NEK11: variants seen among roughly 807,000 people sequenced by gnomAD.
NEK11 encodes NIMA related kinase 11, also known as serine/threonine-protein kinase Nek11.
Under a neutral mutation model 80.7 loss-of-function variants are expected in NEK11, and 72 were observed. The observed-to-expected ratio is 0.89, with a 90% CI of 0.74 to 1.08. The LOEUF is 1.08. Among genes scored for constraint, NEK11 ranks in the 50% least tolerant of loss-of-function variants. NEK11 has a pLI of 0.00. For synonymous variants in NEK11, 251 were observed against 260.7 expected, an observed-to-expected ratio of 0.96 and a Z score of 0.36; for missense variants, 764 against 763.6, an observed-to-expected ratio of 1.00 and a Z score of -0.01.
intron 14 of NEK11, among the ~76,000 whole-genome samples, chr3:131,205,061 C>T (rs1324737799): frequency 2.6e-5 from 4 of 151,980 alleles, no homozygotes; most frequent in East Asian, 3.9e-4. Flanking sequence ...AGTGGACTGG[C>T]GATAGGGATG....
In NEK11 at chr3:131,096,801, T is replaced by C. The variant is rs537092591; in HGVS notation, c.337-13002T>C. On this transcript the variant is annotated intron_variant, in intron 4 of 17. Coordinates refer to ENST00000383366, the MANE Select transcript of NEK11 (RefSeq NM_024800.5). ...GCACAATGTGCAGGTTAGTTACATA[T>C]GTATACATGTACCATGCTGGTATGC... is the stretch of plus-strand genomic sequence containing the variant. Among the ~76,000 whole-genome samples, 3 of 152,062 alleles carry C rather than the reference T, an allele frequency of 2.0e-5. No homozygotes were observed. In the East Asian group the frequency reaches 5.8e-4, roughly 29 times the overall value.
rs1164661416 is a variant in NEK11 at position 131,168,954 on chromosome 3, T to G, written c.1284+17T>G. 1.3e-6 allele frequency: 2 copies of G among 1,591,402 alleles called. No individual in the cohort carries two copies. The highest frequency in any genetic ancestry group is 2.7e-5 in the African/African-American group (2 of 74,254). On this transcript the variant is annotated intron_variant, in intron 13 of 17. Coordinates refer to ENST00000383366, the MANE Select transcript of NEK11 (RefSeq NM_024800.5). ...AGGGAAGAGGCAAGTTTAATCATAT[T>G]CACAAGCACAAAAGTGAGGCAGGTT...
At chr3:131,206,341 A>G (rs1302355572) in intron 14 of NEK11, among the ~76,000 whole-genome samples, 1 of 152,264 alleles carries the variant, frequency 6.6e-6, no homozygotes, top group Admixed American at 6.5e-5. Flanking sequence ...AAGATATAGT[A>G]GTTGCAAGTT....
intron 4 of NEK11, among the ~76,000 whole-genome samples, chr3:131,088,997 T>A (rs1003237500): frequency 6.6e-6 from 1 of 152,230 alleles, no homozygotes. Flanking sequence ...TCCTAAGTAA[T>A]GAAACAGAGT....
intron 14 of NEK11, among the ~76,000 whole-genome samples, chr3:131,171,548 A>T (rs960583221): frequency 1.3e-5 from 2 of 152,226 alleles, no homozygotes; most frequent in African/African-American, 2.4e-5. Context: ...GGAGTAAAAA[A>T]GTTGGCCCTA....
intron 17 of NEK11, among the ~76,000 whole-genome samples, chr3:131,339,176 T>G (rs2097248269): frequency 6.6e-6 from 1 of 152,208 alleles, no homozygotes; most frequent in African/African-American, 2.4e-5. Context: ...ACTCAGATAT[T>G]ATTTTTAAAA....
At chr3:131,348,848 C>A (rs572679665) in intron 17 of NEK11, among the ~76,000 whole-genome samples, 1 of 151,988 alleles carries the variant, frequency 6.6e-6, no homozygotes, top group African/African-American at 2.4e-5. Context: ...TTGCCTCCTT[C>A]GTACAGCTGT....
chr3:131,097,653 AAG>A (rs1214306597), intron 4 of NEK11, among the ~76,000 whole-genome samples: 1 of 152,120 alleles, frequency 6.6e-6, no homozygotes, highest in African/African-American at 2.4e-5. Flanking sequence ...AATGAAATAA[AAG>A]AGGACACAAA....
chr3:131,042,041 C>T (rs948617333), intron 3 of NEK11, among the ~76,000 whole-genome samples: 5 of 152,174 alleles, frequency 3.3e-5, no homozygotes, highest in African/African-American at 1.2e-4. Flanking sequence ...CTGTGAGGGA[C>T]TGTGCCATGA....
intron 15 of NEK11, among the ~76,000 whole-genome samples, chr3:131,230,300 T>C (rs1035753513): frequency 3.3e-5 from 5 of 152,180 alleles, no homozygotes; most frequent in African/African-American, 1.2e-4. Context: ...GAATATAGGG[T>C]TGGAAAACAG....
intron 3 of NEK11, among the ~76,000 whole-genome samples, chr3:131,033,460 C>T (rs1236642492): frequency 6.6e-6 from 1 of 152,048 alleles, no homozygotes; most frequent in Non-Finnish European, 1.5e-5. Flanking sequence ...TTTTTGAGCT[C>T]ATAAGGAAGG....
chr3:131,072,982 A>C (rs1420771587), intron 3 of NEK11, among the ~76,000 whole-genome samples: 2 of 152,084 alleles, frequency 1.3e-5, no homozygotes, highest in Non-Finnish European at 2.9e-5. Flanking sequence ...CTCTTTGGTC[A>C]TGTGCTTGGG....
chr3:131,256,091 T>C (rs910362160), intron 16 of NEK11, among the ~76,000 whole-genome samples: 3 of 152,156 alleles, frequency 2.0e-5, no homozygotes, highest in Admixed American at 2.0e-4. Context: ...GATTGGTCAA[T>C]GAGTATAAAG....
chr3:131,337,498 G>A (rs1200437221), intron 17 of NEK11, among the ~76,000 whole-genome samples: 6 of 151,704 alleles, frequency 4.0e-5, no homozygotes, highest in Admixed American at 2.0e-4. Flanking sequence ...ATAGCATTAG[G>A]AGCTATACCT....
intron 16 of NEK11, among the ~76,000 whole-genome samples, chr3:131,262,186 G>T (rs2095937448): frequency 6.6e-6 from 1 of 152,016 alleles, no homozygotes; most frequent in African/African-American, 2.4e-5. Flanking sequence ...TAGATGAAAT[G>T]GACAAATTTC....
intron 17 of NEK11, among the ~76,000 whole-genome samples, chr3:131,349,280 T>TTATA (rs139787642): frequency 6.6e-6 from 1 of 151,948 alleles, no homozygotes. Context: ...TATCTGTGTA[T>TTATA]TATATATATA....
chr3:131,324,477 T>C (rs2096934782), intron 17 of NEK11, among the ~76,000 whole-genome samples: 1 of 152,238 alleles, frequency 6.6e-6, no homozygotes, highest in East Asian at 1.9e-4. Context: ...CCTTTGTAAA[T>C]CTAGTTATTC....
intron 17 of NEK11, among the ~76,000 whole-genome samples, chr3:131,307,322 GGAGA>G (rs2096733251): frequency 1.3e-5 from 2 of 152,170 alleles, no homozygotes; most frequent in South Asian, 4.1e-4. Flanking sequence ...GCTATAAAGT[GGAGA>G]GAGAAATAGA....
intron 14 of NEK11, among the ~76,000 whole-genome samples, chr3:131,224,104 A>T (rs1484105096): frequency 2.6e-5 from 4 of 152,122 alleles, no homozygotes; most frequent in African/African-American, 9.7e-5. Context: ...CAACATAGCC[A>T]CTCACATACT....
Sources: gnomAD v4.1 joint callset for allele counts (sites outside exome capture counted in the v4.1 genomes callset) on GRCh38, gnomAD v4.1.1 for gene constraint, MANE v1.5 for transcripts, NCBI Gene and HGNC (gene_info 2026-07-23, HGNC 2026-07-21) for gene names.